ZNF407: variants seen among roughly 807,000 people sequenced by gnomAD.
The protein encoded by ZNF407 is zinc finger protein 407.
In ZNF407, 17 loss-of-function variants were observed where a neutral mutation model predicts 131.2. The observed-to-expected ratio is 0.13, with a 90% CI of 0.09 to 0.19. The LOEUF (loss-of-function observed/expected upper bound fraction) is 0.19. Among genes scored for constraint, ZNF407 ranks in the 10% least tolerant of loss-of-function variants. The pLI is 1.00. For missense variants in ZNF407, 2,681 were observed against 2,830.6 expected, an observed-to-expected ratio of 0.95 and a Z score of 1.20; for synonymous variants, 1,156 against 1,062.0, an observed-to-expected ratio of 1.09 and a Z score of -1.72.
rs183988276 is a variant in ZNF407 at position 74,983,489 on chromosome 18, G to T, written c.5428+62797G>T. 1.8e-4 allele frequency among the ~76,000 whole-genome samples: 26 copies of T among 143,452 alleles called. No homozygotes were observed. The South Asian group carries it at 2.1e-3, about 12-fold the overall frequency. The allele number at this position is 143,452 out of a possible 152,430, so 94.1% of individuals were successfully genotyped here. A position where few individuals can be genotyped will look rare whatever the true frequency, so the allele number is the denominator to read the frequency against. On this transcript the variant is annotated intron_variant, in intron 8 of 8. Coordinates refer to ENST00000299687, the MANE Select transcript of ZNF407 (RefSeq NM_017757.3). ...TCTGTGAGTTTTTTTCTGTTTGTTT[G>T]CTCAGTTCCTAAGGCCCTAGCACAT...
intron 8 of ZNF407, among the ~76,000 whole-genome samples, chr18:74,978,686 G>A (rs1972554876): frequency 6.6e-6 from 1 of 151,616 alleles, no homozygotes; most frequent in Non-Finnish European, 1.5e-5. Flanking sequence ...TTTAAAACAT[G>A]GAAGTATGTG....
At chr18:74,747,908 A>G (rs1968708488) in intron 3 of ZNF407, among the ~76,000 whole-genome samples, 1 of 152,140 alleles carries the variant, frequency 6.6e-6, no homozygotes, top group Non-Finnish European at 1.5e-5. Flanking sequence ...TTTGGGTAGA[A>G]TTTTAAAATG....
chr18:74,849,052 C>CTTTTTTT lies in ZNF407; in HGVS notation c.4878-28137_4878-28131dup, dbSNP rs35529971. 3.3e-4 allele frequency among the ~76,000 whole-genome samples: 41 copies of CTTTTTTT among 122,880 alleles called. 1 individual carries two copies. Among genetic ancestry groups the CTTTTTTT allele is most frequent in the East Asian group, 1.2e-3 (5 of 4,212 alleles). 80.6% of individuals were successfully genotyped at this position (122,880 alleles called of 152,430 possible). On this transcript the variant is annotated intron_variant, in intron 4 of 8. Transcript: ENST00000299687. Reference sequence around the variant, plus strand: ...TGGTGACTTTGGGCTACTTTTGTTTCTTTTTTTTTTTTTTATTTTTTATTT... The same window carrying CTTTTTTT: ...TGGTGACTTTGGGCTACTTTTGTTTCTTTTTTTTTTTTTTTTTTTTTATTTTTTATTT...
At chr18:74,707,522 A>G (rs937738757) in intron 3 of ZNF407, among the ~76,000 whole-genome samples, 2 of 152,138 alleles carry the variant, frequency 1.3e-5, no homozygotes, top group Non-Finnish European at 2.9e-5. Flanking sequence ...TCCAGTGAGC[A>G]TATTCTTTGA....
intron 8 of ZNF407, among the ~76,000 whole-genome samples, chr18:75,033,959 C>T (rs1450436445): frequency 6.6e-6 from 1 of 152,160 alleles, no homozygotes; most frequent in African/African-American, 2.4e-5. Flanking sequence ...TTTATATTTT[C>T]TTCATATTTA....
At chr18:74,730,512 G>A (rs908292039) in intron 3 of ZNF407, among the ~76,000 whole-genome samples, 1 of 152,160 alleles carries the variant, frequency 6.6e-6, no homozygotes, top group Non-Finnish European at 1.5e-5. Flanking sequence ...ACAAATGCTT[G>A]TGTCTCTGTA....
intron 8 of ZNF407, among the ~76,000 whole-genome samples, chr18:74,998,259 A>G (rs1972802217): frequency 6.6e-6 from 1 of 152,204 alleles, no homozygotes; most frequent in African/African-American, 2.4e-5. Flanking sequence ...AGCTTAGCTC[A>G]GTGAAGGGCA....
At chr18:75,019,365 C>T (rs968404161) in intron 8 of ZNF407, among the ~76,000 whole-genome samples, 98 of 152,128 alleles carry the variant, frequency 6.4e-4, no homozygotes, top group African/African-American at 2.0e-3. Flanking sequence ...GCTGGCAGTG[C>T]GACTTGAAAG....
intron 1 of ZNF407, among the ~76,000 whole-genome samples, chr18:74,600,594 A>G (rs1335353200): frequency 2.6e-5 from 4 of 152,226 alleles, no homozygotes; most frequent in Non-Finnish European, 5.9e-5. Context: ...AAAAATGTCC[A>G]GCATAACCAC....
At chr18:74,733,307 ACACTTTAGCAACATTAAATCATT>A (rs1278695174) in intron 3 of ZNF407, among the ~76,000 whole-genome samples, 2 of 152,176 alleles carry the variant, frequency 1.3e-5, no homozygotes, top group Non-Finnish European at 2.9e-5. Flanking sequence ...ACAAATTGAA[ACACTTTAGCAACATTAAATCATT>A]CATGGAGTAT....
At chr18:74,656,002 TTTTATA>T (rs1292848205) in intron 3 of ZNF407, among the ~76,000 whole-genome samples, 33 of 152,236 alleles carry the variant, frequency 2.2e-4, no homozygotes, top group African/African-American at 7.7e-4. Flanking sequence ...TCTAGGAGAA[TTTTATA>T]TTTATAATTT....
chr18:74,715,272 G>A (rs796966936), intron 3 of ZNF407, among the ~76,000 whole-genome samples: 3 of 152,228 alleles, frequency 2.0e-5, no homozygotes, highest in Admixed American at 6.5e-5. Flanking sequence ...CTTCCATGTC[G>A]TATTTTGTGG....
intron 3 of ZNF407, among the ~76,000 whole-genome samples, chr18:74,723,169 CT>C (rs1379501269): frequency 1.3e-5 from 2 of 152,064 alleles, no homozygotes; most frequent in Non-Finnish European, 1.5e-5. Flanking sequence ...TACAAATATA[CT>C]TTTTTTCTTA....
Position 74,632,016 on chromosome 18 carries a change from A to G in ZNF407, c.997A>G (p.Ser333Gly), listed in dbSNP as rs756785043. The change falls in exon 2 of 9, where the codon AGT (serine) becomes GGT (glycine). Residue 333 changes from serine to glycine, a missense_variant. Physicochemically the swap from Ser to Gly is moderately conservative, Grantham distance 56. Coordinates refer to ENST00000299687, the MANE Select transcript of ZNF407 (RefSeq NM_017757.3). ...VGSTFKDFRGSISKQSGSSSE... is the reference protein window; with the variant it reads ...VGSTFKDFRGGISKQSGSSSE... ...AAGCACGTTTAAAGATTTCAGAGGA[A>G]GTATTTCTAAACAAAGTGGTAGTAG... The G allele has an allele frequency of 2.7e-5, 43 of 1,613,776 alleles. No individual in the cohort carries two copies. In the South Asian group the frequency reaches 4.1e-4, roughly 15 times the overall value.
At chr18:74,893,920 A>G (rs1388947149) in intron 7 of ZNF407, among the ~76,000 whole-genome samples, 1 of 152,102 alleles carries the variant, frequency 6.6e-6, no homozygotes, top group Non-Finnish European at 1.5e-5. Context: ...CTTAATCTGC[A>G]GGCAGCTTAC....
rs1441844236 is a variant in ZNF407, at chr18:74,633,237, A to G, written c.2218A>G (p.Asn740Asp). The G allele has an allele frequency of 3.1e-6, 5 of 1,613,774 alleles. No individual in the cohort carries two copies. The highest frequency in any genetic ancestry group is 3.3e-5 in the Admixed American group (2 of 59,984). The change falls in exon 2 of 9, where the codon AAT (asparagine) becomes GAT (aspartate). Residue 740 changes from asparagine to aspartate, a missense_variant. Transcript: ENST00000299687. ...CTATCATTTTCTTTGTAAAGCTTGTAATCTTTATTCATTGAGCAAAGAAGG... is the reference window on the plus strand; with the variant it reads ...CTATCATTTTCTTTGTAAAGCTTGTGATCTTTATTCATTGAGCAAAGAAGG... Reference protein sequence around the residue: ...QDYHFLCKACNLYSLSKEGME... With the variant: ...QDYHFLCKACDLYSLSKEGME...
rs559904885 is a variant in ZNF407, at chr18:74,703,291, C to T, written c.4802+62169C>T. 7.9e-5 allele frequency among the ~76,000 whole-genome samples: 12 copies of T among 152,252 alleles called. No individual in the cohort carries two copies. Among genetic ancestry groups the T allele is most frequent in the South Asian group, 6.2e-4 (3 of 4,824 alleles). ...AATGTAGTTCACAGCCTAGATGAGA[C>T]GACCCATTACAGAGCTACCACAGAG... On this transcript the variant is annotated intron_variant, in intron 3 of 8. Transcript: ENST00000299687. This position sits in a 1 kb window ranked among gnomAD's most constrained non-coding sequence, Gnocchi z 4.1.
chr18:74,849,063 T>TA lies in ZNF407; in HGVS notation c.4878-28134_4878-28133insA, dbSNP rs11415117. On this transcript the variant is annotated intron_variant, in intron 4 of 8. Coordinates refer to ENST00000299687, the MANE Select transcript of ZNF407 (RefSeq NM_017757.3). Reference sequence around the variant, plus strand: ...GGCTACTTTTGTTTCTTTTTTTTTTTTTTATTTTTTATTTTTTGTTGCTGT... The same window carrying TA: ...GGCTACTTTTGTTTCTTTTTTTTTTTATTTATTTTTTATTTTTTGTTGCTGT... Among the ~76,000 whole-genome samples, 936 of 146,204 alleles carry TA rather than the reference T, an allele frequency of 6.4e-3. 37 individuals carry two copies. Among genetic ancestry groups the TA allele is most frequent in the Admixed American group, 0.044 (650 of 14,692 alleles).
At chr18:74,821,635 G>A (rs993807542) in intron 4 of ZNF407, among the ~76,000 whole-genome samples, 2 of 152,168 alleles carry the variant, frequency 1.3e-5, no homozygotes, top group East Asian at 3.8e-4. Context: ...ATTCCATGGT[G>A]TATATGTGCC....
Sources: allele counts gnomAD v4.1 joint callset (sites outside exome capture counted in the v4.1 genomes callset), GRCh38; gene constraint gnomAD v4.1.1; non-coding constraint Gnocchi (gnomAD v3.1); transcripts MANE v1.5; gene names NCBI Gene and HGNC (gene_info 2026-07-23, HGNC 2026-07-21).